The following DNAH9 variants were observed in gnomAD, a reference collection of about 807,000 sequenced individuals.
DNAH9 encodes the protein dynein axonemal heavy chain 9, also known as DNAH9 variant protein.
Under a neutral mutation model 471.6 loss-of-function variants are expected in DNAH9, and 345 were observed. The ratio of observed to expected loss-of-function variants is 0.73; its 90% confidence interval spans 0.67 to 0.80. The LOEUF is 0.80. DNAH9 is among the 30% of genes least tolerant of loss of function. The pLI, the probability that DNAH9 is intolerant of heterozygous loss-of-function variation, is 0.00. For synonymous variants in DNAH9, 2,093 were observed against 2,123.6 expected (o/e 0.99, Z 0.40); for missense variants, 5,407 against 5,609.2 (o/e 0.96, Z 1.15).
intron 45 of DNAH9, among the ~76,000 whole-genome samples, chr17:11,817,294 C>A (rs2150935356): frequency 6.6e-6 from 1 of 152,260 alleles, no homozygotes; most frequent in East Asian, 1.9e-4. Context: ...GTGTTTATCT[C>A]CAGATATTCC....
At chr17:11,746,050 G>T (rs1180307880) in intron 31 of DNAH9, among the ~76,000 whole-genome samples, 1 of 152,200 alleles carries the variant, frequency 6.6e-6, no homozygotes, top group Non-Finnish European at 1.5e-5. Flanking sequence ...AGACAGTACT[G>T]AACAGAATGA....
chr17:11,607,631 G>A (rs1372630038), intron 1 of DNAH9, among the ~76,000 whole-genome samples: 1 of 152,062 alleles, frequency 6.6e-6, no homozygotes, highest in Non-Finnish European at 1.5e-5. Flanking sequence ...GTGCAGTGGT[G>A]TGATCTCGAC....
chr17:11,941,149 G>A (rs997325868), intron 66 of DNAH9, among the ~76,000 whole-genome samples: 2 of 152,104 alleles, frequency 1.3e-5, no homozygotes, highest in Non-Finnish European at 2.9e-5. Flanking sequence ...GGGGAAACTG[G>A]GCCCAGTGAC....
Position 11,680,858 on chromosome 17 carries a change from T to C in DNAH9, c.3712T>C (p.Trp1238Arg). The C allele has an allele frequency of 1.2e-6, 2 of 1,613,034 alleles. No homozygotes were observed. The highest frequency in any genetic ancestry group is 1.7e-6 in the Non-Finnish European group (2 of 1,179,580). ...TAFDAEQQQF[W>R]EQFHKEAPFR... Reference sequence around the variant, plus strand: ...CTTCGATGCAGAACAGCAGCAATTCTGGGAGCAATTCCACAAAGAAGCCCC... The same window carrying C: ...CTTCGATGCAGAACAGCAGCAATTCCGGGAGCAATTCCACAAAGAAGCCCC... Residue 1238 changes from tryptophan (W) to arginine (R), a missense_variant, in exon 19 of 69, where the codon TGG (tryptophan) becomes CGG (arginine). Physicochemically the swap from Trp to Arg is moderately radical, Grantham distance 101 (BLOSUM62 -3). Transcript: ENST00000262442.
chr17:11,817,199 C>T (rs1463053208), intron 45 of DNAH9, among the ~76,000 whole-genome samples: 2 of 152,198 alleles, frequency 1.3e-5, no homozygotes, highest in Admixed American at 6.5e-5. Context: ...TGACTACCTA[C>T]ATCACAAAAC....
At chr17:11,669,314 T>C in intron 16 of DNAH9, 54 bp downstream of exon 16, 2 of 1,595,178 alleles carry the variant, frequency 1.3e-6, no homozygotes, top group Non-Finnish European at 1.7e-6. Context: ...CAGCCGAATC[T>C]CGAACTTCCT....
At chr17:11,645,523 A>G (rs980067709) in intron 11 of DNAH9, among the ~76,000 whole-genome samples, 1 of 152,094 alleles carries the variant, frequency 6.6e-6, no homozygotes, top group African/African-American at 2.4e-5. Context: ...CACCATAGCC[A>G]CCACCAGCTG....
chr17:11,686,643 T>G (rs1176347165), intron 19 of DNAH9, among the ~76,000 whole-genome samples: 1 of 152,154 alleles, frequency 6.6e-6, no homozygotes, highest in Non-Finnish European at 1.5e-5. Flanking sequence ...AAATCTAAAC[T>G]ATAAACAAAA....
chr17:11,920,620 C>CA (rs778741343), intron 61 of DNAH9, among the ~76,000 whole-genome samples: 777 of 61,752 alleles, frequency 0.013, 2 homozygotes, highest in Non-Finnish European at 0.016. Flanking sequence ...GACTCCATCT[C>CA]AAAAAAAAAA....
chr17:11,645,873 CTTTTTCTTTTT>C (rs1405506256), intron 11 of DNAH9, among the ~76,000 whole-genome samples: 3 of 138,724 alleles, frequency 2.2e-5, no homozygotes, highest in African/African-American at 5.7e-5. Flanking sequence ...TTCTCTTTTT[CTTTTTCTTTTT>C]TTTTTTTTTT....
At chr17:11,672,687 C>T (rs2073990708) in intron 17 of DNAH9, among the ~76,000 whole-genome samples, 1 of 152,136 alleles carries the variant, frequency 6.6e-6, no homozygotes, top group African/African-American at 2.4e-5. Context: ...CCAGCATCCA[C>T]AGAATTTCCA....
chr17:11,797,795 T>C lies in DNAH9; in HGVS notation c.8420+2T>C, dbSNP rs765756700. 6 of 1,611,926 alleles carry C rather than the reference T, an allele frequency of 3.7e-6. No homozygotes were observed. In the East Asian group the frequency reaches 1.1e-4, roughly 30 times the overall value. ...CTTTGAGGATGCCATGCGCCATGTGTAAGTGTGCTTCTCCTCTTCCTTTTC... is the reference window on the plus strand; with the variant it reads ...CTTTGAGGATGCCATGCGCCATGTGCAAGTGTGCTTCTCCTCTTCCTTTTC... On this transcript the variant is annotated splice_donor_variant, in intron 43 of 68. Coordinates refer to ENST00000262442, the MANE Select transcript of DNAH9 (RefSeq NM_001372.4). LOFTEE classifies it high-confidence loss of function.
rs138328432 is a variant in DNAH9, at chr17:11,961,914, G to A, written c.12891G>A (p.Leu4297=). 9 of 1,613,810 alleles carry A rather than the reference G, an allele frequency of 5.6e-6. No homozygotes were observed. In the African/African-American group the frequency reaches 9.3e-5, roughly 17 times the overall value. The change falls in exon 68 of 69, where the codon CTG becomes CTA. Residue 4297 remains leucine (L), a synonymous_variant. Transcript: ENST00000262442. The part of the protein sequence containing the change: ...TSHMENLQNA[L]YFDMVPESWA... ...ACATGGAGAACTTACAGAATGCCCT[G>A]TACTTCGATATGGTGCCAGAGTCCT...
intron 57 of DNAH9, among the ~76,000 whole-genome samples, chr17:11,887,813 C>G (rs868287178): frequency 6.6e-6 from 1 of 151,898 alleles, no homozygotes; most frequent in Non-Finnish European, 1.5e-5. Flanking sequence ...GCTAAACCAC[C>G]ATGTGAAGAC....
At chr17:11,832,718 A>G (rs1350927861) in intron 48 of DNAH9, among the ~76,000 whole-genome samples, 1 of 152,078 alleles carries the variant, frequency 6.6e-6, no homozygotes, top group Non-Finnish European at 1.5e-5. Context: ...CCCCTTGTGC[A>G]TTTTGCATCA....
At chr17:11,716,433 C>G (rs1412714564) in intron 26 of DNAH9, among the ~76,000 whole-genome samples, 2 of 151,972 alleles carry the variant, frequency 1.3e-5, no homozygotes, top group East Asian at 1.9e-4. Flanking sequence ...GCCCCACTGA[C>G]CCTGCCTTCA....
chr17:11,622,040 C>T (rs1174976216), intron 6 of DNAH9, among the ~76,000 whole-genome samples: 4 of 150,380 alleles, frequency 2.7e-5, no homozygotes, highest in Non-Finnish European at 4.4e-5. Flanking sequence ...GAGCTGAGAT[C>T]GCGCCACTGC....
At chr17:11,602,757 A>G (rs2072412633) in intron 1 of DNAH9, among the ~76,000 whole-genome samples, 1 of 152,184 alleles carries the variant, frequency 6.6e-6, no homozygotes, top group Admixed American at 6.5e-5. Context: ...CCTCCCGATC[A>G]TAAGCAGCCC....
intron 32 of DNAH9, among the ~76,000 whole-genome samples, chr17:11,750,720 A>G (rs1268758556): frequency 6.6e-6 from 1 of 152,198 alleles, no homozygotes. Flanking sequence ...TCTAGGATGC[A>G]ATAAAAAAAA....
Sources: gnomAD v4.1 joint callset for allele counts (sites outside exome capture counted in the v4.1 genomes callset) on GRCh38, gnomAD v4.1.1 for gene constraint, MANE v1.5 for transcripts, NCBI Gene and HGNC (gene_info 2026-07-23, HGNC 2026-07-21) for gene names.